SYTL5: variants seen among roughly 807,000 people sequenced by gnomAD.
SYTL5 encodes the protein synaptotagmin like 5.
A neutral mutation model predicts 55.9 loss-of-function variants in SYTL5; 34 were observed. The ratio of observed to expected loss-of-function variants is 0.61; its 90% CI spans 0.46 to 0.81. The LOEUF is 0.81. Among genes scored for constraint, SYTL5 ranks in the 30% least tolerant of loss-of-function variants. The probability of loss-of-function intolerance (pLI) is 0.00; values close to 1 mark genes in which losing one functional copy is unlikely to be tolerated. For synonymous variants in SYTL5, 221 were observed against 188.7 expected (o/e 1.17, Z -1.40); for missense variants, 637 against 546.7 (o/e 1.17, Z -1.65).
intron 11 of SYTL5, among the ~76,000 whole-genome samples, chrX:38,107,455 GA>G (rs1237534107): frequency 2.7e-5 from 3 of 111,662 alleles, no homozygotes; most frequent in African/African-American, 9.8e-5. Context: ...GTCTGCCAAG[GA>G]AGCGTGTTAG....
At chrX:37,950,733 A>T in the SYTL5 span, among the ~76,000 whole-genome samples, 1 of 111,732 alleles carries the variant, frequency 8.9e-6, no homozygotes, top group Non-Finnish European at 1.9e-5. Flanking sequence ...AAAGACAGTA[A>T]TTGAAAATAC....
the SYTL5 span, among the ~76,000 whole-genome samples, chrX:37,910,694 C>CT: frequency 3.6e-5 from 4 of 112,187 alleles, no homozygotes; most frequent in East Asian, 5.6e-4. Context: ...GGTTCTCAAA[C>CT]TTTAATGGAC....
chrX:38,089,735 A>G, intron 7 of SYTL5, 148 bp downstream of exon 7: 1 of 622,187 alleles, frequency 1.6e-6, no homozygotes, highest in Non-Finnish European at 2.4e-6. Flanking sequence ...ACTTACAATC[A>G]TGGCAGAAGG....
chrX:37,971,248 T>TA, the SYTL5 span, among the ~76,000 whole-genome samples: 4 of 110,996 alleles, frequency 3.6e-5, no homozygotes, highest in African/African-American at 1.3e-4. Flanking sequence ...TTAAAAATCT[T>TA]ACCCCAGGCA....
the SYTL5 span, among the ~76,000 whole-genome samples, chrX:37,979,880 T>G: frequency 9.1e-6 from 1 of 109,605 alleles, no homozygotes; most frequent in Non-Finnish European, 1.9e-5. Flanking sequence ...GTTACATATG[T>G]ATACATGTGC....
the SYTL5 span, among the ~76,000 whole-genome samples, chrX:37,995,844 T>G: frequency 2.7e-5 from 3 of 112,298 alleles, no homozygotes; most frequent in East Asian, 8.4e-4. Context: ...TGGCTGTGGC[T>G]TATTGTAGAA....
the SYTL5 span, among the ~76,000 whole-genome samples, chrX:37,904,592 C>T: frequency 9.0e-6 from 1 of 111,082 alleles, no homozygotes; most frequent in Non-Finnish European, 1.9e-5. Context: ...TTCAATAAAG[C>T]TTTATTTTCC....
At chrX:38,098,599 T>C (rs911223857) in intron 9 of SYTL5, among the ~76,000 whole-genome samples, 2 of 110,552 alleles carry the variant, frequency 1.8e-5, no homozygotes, top group Non-Finnish European at 3.8e-5. Context: ...CTAGTGGTAA[T>C]GAAAAATGCT....
At chrX:37,988,976 A>G in the SYTL5 span, among the ~76,000 whole-genome samples, 2 of 111,896 alleles carry the variant, frequency 1.8e-5, no homozygotes, top group African/African-American at 6.5e-5. Context: ...TGAGGGAAGA[A>G]CTGTTAAGCA....
chrX:37,990,209 A>C, the SYTL5 span, among the ~76,000 whole-genome samples: 5 of 111,004 alleles, frequency 4.5e-5, no homozygotes, highest in African/African-American at 1.6e-4. Flanking sequence ...ACTAAAATAT[A>C]TTTTTCAAAT....
the SYTL5 span, among the ~76,000 whole-genome samples, chrX:37,961,146 A>T: frequency 1.8e-5 from 2 of 110,726 alleles, no homozygotes; most frequent in Non-Finnish European, 3.8e-5. Context: ...ATATTTTCAG[A>T]TCTCTGTTAT....
the SYTL5 span, chrX:37,990,986 A>C: frequency 4.1e-6 from 5 of 1,212,001 alleles, no homozygotes; most frequent in Non-Finnish European, 5.6e-6. Context: ...GTTCCTCCAC[A>C]ATAAATACCC....
chrX:38,120,550 A>G, intron 14 of SYTL5, 84 bp downstream of exon 14: 1 of 724,546 alleles, frequency 1.4e-6, no homozygotes, highest in African/African-American at 2.1e-5. Flanking sequence ...GTTGCATTAT[A>G]TTTCTTTCAT....
At chrX:38,024,310 G>C (rs898904296) in intron 1 of SYTL5, among the ~76,000 whole-genome samples, 1 of 110,667 alleles carries the variant, frequency 9.0e-6, no homozygotes, top group Non-Finnish European at 1.9e-5. Flanking sequence ...CCCTGCACTC[G>C]CTCTTTTGCC....
At chrX:38,011,431 A>G (rs1934180942) in intron 1 of SYTL5, among the ~76,000 whole-genome samples, 1 of 110,378 alleles carries the variant, frequency 9.1e-6, no homozygotes, top group African/African-American at 3.3e-5. Context: ...GGAGATCGAG[A>G]CCATCCTGGC....
At chrX:38,086,079 T>C (rs1936655367) in intron 6 of SYTL5, among the ~76,000 whole-genome samples, 1 of 111,590 alleles carries the variant, frequency 9.0e-6, no homozygotes, top group Non-Finnish European at 1.9e-5. Context: ...CAAATAACAA[T>C]GCAGTTTATA....
the SYTL5 span, among the ~76,000 whole-genome samples, chrX:37,998,262 C>G: frequency 2.7e-5 from 3 of 112,649 alleles, no homozygotes; most frequent in Non-Finnish European, 3.8e-5. Context: ...TTAACACAAA[C>G]AGGTTGAAAC....
the SYTL5 span, among the ~76,000 whole-genome samples, chrX:37,952,383 G>A: frequency 9.0e-6 from 1 of 111,478 alleles, no homozygotes; most frequent in Non-Finnish European, 1.9e-5. Context: ...TTATGGGCTA[G>A]CCAAGAAATG....
chrX:37,930,565 GC>G, the SYTL5 span, among the ~76,000 whole-genome samples: 1 of 111,687 alleles, frequency 9.0e-6, no homozygotes, highest in African/African-American at 3.3e-5. Context: ...TGATGAAACT[GC>G]CGTACCAATC....
Sources: allele counts gnomAD v4.1 joint callset (sites outside exome capture counted in the v4.1 genomes callset), GRCh38; gene constraint gnomAD v4.1.1; transcripts MANE v1.5; gene names NCBI Gene and HGNC (gene_info 2026-07-23, HGNC 2026-07-21).